SLC44A5: variants seen among roughly 807,000 people sequenced by gnomAD.
SLC44A5 encodes solute carrier family 44 member 5, also known as choline transporter-like protein 5.
A neutral mutation model predicts 101.8 loss-of-function variants in SLC44A5; 57 were observed. That is an observed-to-expected ratio of 0.56 (90% CI 0.45 to 0.70). SLC44A5 has a LOEUF of 0.70. Among genes scored for constraint, SLC44A5 ranks in the 30% least tolerant of loss-of-function variants. The pLI is 0.00. For synonymous variants in SLC44A5, 281 were observed against 290.9 expected (o/e 0.97, Z 0.35); for missense variants, 737 against 853.1 (o/e 0.86, Z 1.70).
chr1:75,596,196 ACACATG>A (rs1462640424), intron 1 of SLC44A5, among the ~76,000 whole-genome samples: 68 of 103,436 alleles, frequency 6.6e-4, no homozygotes, highest in African/African-American at 2.4e-3. Context: ...AACATAGTAG[ACACATG>A]CACACACACA....
intron 2 of SLC44A5, among the ~76,000 whole-genome samples, chr1:75,406,698 G>A (rs1662893985): frequency 6.6e-6 from 1 of 152,128 alleles, no homozygotes; most frequent in South Asian, 2.1e-4. Flanking sequence ...ACTAGGTATT[G>A]ATGGAACGTA....
At chr1:75,536,045 GAAA>G (rs201274280) in intron 2 of SLC44A5, among the ~76,000 whole-genome samples, 3 of 105,594 alleles carry the variant, frequency 2.8e-5, no homozygotes, top group African/African-American at 9.5e-5. Flanking sequence ...TTCGTCTCTT[GAAA>G]AAAAAAAAAA....
chr1:75,274,324 T>TG (rs768223056), intron 6 of SLC44A5, among the ~76,000 whole-genome samples: 5 of 152,050 alleles, frequency 3.3e-5, no homozygotes, highest in Non-Finnish European at 7.4e-5. Context: ...ATGAGATTTA[T>TG]GGGGGGCTGC....
At chr1:75,395,764 C>A (rs564877334) in intron 3 of SLC44A5, among the ~76,000 whole-genome samples, 194 of 152,136 alleles carry the variant, frequency 1.3e-3, no homozygotes, top group African/African-American at 4.6e-3. Flanking sequence ...TTAACATATC[C>A]ATCACCTTGC....
intron 7 of SLC44A5, among the ~76,000 whole-genome samples, chr1:75,248,958 T>C (rs935319599): frequency 6.6e-6 from 1 of 152,040 alleles, no homozygotes; most frequent in African/African-American, 2.4e-5. Flanking sequence ...GAGCAATACT[T>C]TGGATGGGTT....
intron 3 of SLC44A5, among the ~76,000 whole-genome samples, chr1:75,356,745 G>A (rs183770609): frequency 3.3e-5 from 5 of 152,086 alleles, no homozygotes; most frequent in African/African-American, 9.7e-5. Context: ...TTAATTGTAA[G>A]TGCCGTATTT....
intron 9 of SLC44A5, among the ~76,000 whole-genome samples, chr1:75,239,831 G>C (rs1414125117): frequency 6.6e-6 from 1 of 152,058 alleles, no homozygotes; most frequent in African/African-American, 2.4e-5. Flanking sequence ...GCACACTGTA[G>C]AAATCAGTCA....
At chr1:75,385,766 T>G (rs1661285436) in intron 3 of SLC44A5, among the ~76,000 whole-genome samples, 1 of 152,062 alleles carries the variant, frequency 6.6e-6, no homozygotes, top group South Asian at 2.1e-4. Context: ...AAAAGAGAAT[T>G]TTAGACCAAT....
chr1:75,582,412 G>A (rs1419296358), intron 1 of SLC44A5: 2 of 719,998 alleles, frequency 2.8e-6, no homozygotes, highest in Non-Finnish European at 4.8e-6. Context: ...AGCTTGGGAA[G>A]CATGATCATG....
intron 7 of SLC44A5, among the ~76,000 whole-genome samples, chr1:75,245,981 G>C (rs1274244012): frequency 2.0e-5 from 3 of 152,088 alleles, no homozygotes; most frequent in African/African-American, 7.2e-5. Flanking sequence ...CAAAAACATC[G>C]TGCATAGAAA....
chr1:75,248,870 G>A (rs1320192937), intron 7 of SLC44A5, among the ~76,000 whole-genome samples: 3 of 152,072 alleles, frequency 2.0e-5, no homozygotes, highest in Non-Finnish European at 4.4e-5. Flanking sequence ...AATTGAGAAT[G>A]TTTATACAGG....
At chr1:75,294,178 G>T (rs1034359994) in intron 5 of SLC44A5, among the ~76,000 whole-genome samples, 1 of 152,172 alleles carries the variant, frequency 6.6e-6, no homozygotes, top group African/African-American at 2.4e-5. Context: ...TCCAAAAGTA[G>T]ATTAACAGCA....
chr1:75,279,372 T>C (rs1394857156), intron 5 of SLC44A5, among the ~76,000 whole-genome samples: 2 of 152,030 alleles, frequency 1.3e-5, no homozygotes, highest in African/African-American at 2.4e-5. Flanking sequence ...AAGTGAGGTG[T>C]AGGAGTAAGC....
chr1:75,642,131 T>C, the SLC44A5 span: 1 of 912,488 alleles, frequency 1.1e-6, no homozygotes, highest in South Asian at 1.6e-5. Context: ...TGATATATAT[T>C]AAAACTGCCT....
At chr1:75,688,632 C>T in the SLC44A5 span, among the ~76,000 whole-genome samples, 2 of 152,158 alleles carry the variant, frequency 1.3e-5, no homozygotes, top group South Asian at 4.1e-4. Context: ...TTCAAAGCCT[C>T]GGGGGCTGTG....
chr1:75,526,413 A>G (rs1185515980), intron 2 of SLC44A5, among the ~76,000 whole-genome samples: 1 of 152,174 alleles, frequency 6.6e-6, no homozygotes, highest in Non-Finnish European at 1.5e-5. Flanking sequence ...CAGAGGGAAA[A>G]GGCCGGTTCC....
chr1:75,632,310 T>G, the SLC44A5 span, among the ~76,000 whole-genome samples: 1 of 138,822 alleles, frequency 7.2e-6, no homozygotes, highest in Admixed American at 7.5e-5. Context: ...TCAATAAATA[T>G]TGAAACAAAT....
chr1:75,690,813 G>A, the SLC44A5 span, among the ~76,000 whole-genome samples: 1 of 152,094 alleles, frequency 6.6e-6, no homozygotes, highest in Non-Finnish European at 1.5e-5. Context: ...GAATTTTCAT[G>A]AATATTCCAC....
intron 2 of SLC44A5, among the ~76,000 whole-genome samples, chr1:75,524,656 A>T (rs1300653902): frequency 2.0e-5 from 3 of 152,188 alleles, no homozygotes; most frequent in Non-Finnish European, 4.4e-5. Flanking sequence ...GTTATAAGAG[A>T]ATGCGAAAAT....
Sources: gnomAD v4.1 joint callset for allele counts (sites outside exome capture counted in the v4.1 genomes callset) on GRCh38, gnomAD v4.1.1 for gene constraint, MANE v1.5 for transcripts, NCBI Gene and HGNC (gene_info 2026-07-23, HGNC 2026-07-21) for gene names.